VIPAS39: variants seen among roughly 807,000 people sequenced by gnomAD.
VIPAS39 encodes VPS33B interacting protein, apical-basolateral polarity regulator, spe-39 homolog, also known as spermatogenesis-defective protein 39 homolog.
VIPAS39 carries 63 observed loss-of-function variants against 84.7 expected under a neutral mutation model. The ratio of observed to expected loss-of-function variants is 0.74; its 90% CI spans 0.61 to 0.92. The LOEUF (loss-of-function observed/expected upper bound fraction) is 0.92, where lower values mean the gene tolerates loss of function less well. VIPAS39 is among the 40% of genes least tolerant of loss of function. The pLI is 0.00. For synonymous variants in VIPAS39, 192 were observed against 216.5 expected (o/e 0.89, Z 0.99); for missense variants, 499 against 604.5 (o/e 0.83, Z 1.83).
intron 16 of VIPAS39, 97 bp downstream of exon 16, chr14:77,433,745 A>G: frequency 7.6e-7 from 1 of 1,314,106 alleles, no homozygotes. Context: ...GAAAATAAAA[A>G]GTTGGAGGAA....
chr14:77,456,535 A>T (rs924737292), intron 1 of VIPAS39, among the ~76,000 whole-genome samples: 1 of 152,224 alleles, frequency 6.6e-6, no homozygotes, highest in Admixed American at 6.5e-5. Context: ...AAAGTGAGGC[A>T]CAAAAGAGTT....
intron 1 of VIPAS39, chr14:77,457,219 T>C (rs1463755726): frequency 8.5e-6 from 13 of 1,521,200 alleles, no homozygotes; most frequent in East Asian, 2.4e-5. Flanking sequence ...CAGGAAGCCA[T>C]GGATCTACCG....
chr14:77,453,722 C>A (rs758811876), intron 2 of VIPAS39, among the ~76,000 whole-genome samples: 3 of 151,870 alleles, frequency 2.0e-5, no homozygotes, highest in Non-Finnish European at 2.9e-5. Flanking sequence ...AAAATAGACA[C>A]AACAAAGATA....
chr14:77,427,410 A>G lies in VIPAS39; in HGVS notation c.*206T>C. 3.2e-6 allele frequency: 2 copies of G among 618,790 alleles called. No individual in the cohort carries two copies. The highest frequency in any genetic ancestry group is 5.7e-6 in the Non-Finnish European group (2 of 352,328). The allele number at this position is 618,790 out of a possible 1,614,324, so 38.3% of individuals were successfully genotyped here. A position where few individuals can be genotyped will look rare whatever the true frequency, so the allele number is the denominator to read the frequency against. On this transcript the variant is annotated 3_prime_UTR_variant, in exon 20 of 20. Transcript: ENST00000557658. ...CCAGGTGGAGAGAATCATTCTCATGACTCAAAGCTTTAGATCTCGATCCTC... is the reference window on the plus strand; with the variant it reads ...CCAGGTGGAGAGAATCATTCTCATGGCTCAAAGCTTTAGATCTCGATCCTC...
At position 77,426,985 on chromosome 14, in the gene VIPAS39, GCAAGGTCGTCTGTGTT is replaced by G. The variant is rs1420474870; in HGVS notation, c.*615_*630del. On this transcript the variant is annotated 3_prime_UTR_variant, in exon 20 of 20. Transcript: ENST00000557658. ...ATAAAGGGGATGTCTCATCACCCAA[GCAAGGTCGTCTGTGTT>G]CAAGTGAGAGAAGAACCTTAGGGTT... The G allele has an allele frequency of 6.5e-6, 1 of 152,960 alleles. No individual in the cohort carries two copies. Among genetic ancestry groups the G allele is most frequent in the African/African-American group, 2.4e-5 (1 of 41,440 alleles). The allele number at this position is 152,960 out of a possible 1,614,324, so 9.5% of individuals were successfully genotyped here. A position where few individuals can be genotyped will look rare whatever the true frequency, so the allele number is the denominator to read the frequency against.
chr14:77,452,072 A>G (rs1257913372), intron 3 of VIPAS39, among the ~76,000 whole-genome samples: 1 of 152,206 alleles, frequency 6.6e-6, no homozygotes, highest in Non-Finnish European at 1.5e-5. Flanking sequence ...CTAAAATTCA[A>G]CAGTGGGCTG....
rs1475484526 is a variant in VIPAS39 at position 77,437,885 on chromosome 14, C to T, written c.763-4G>A. On this transcript the variant is annotated splice_polypyrimidine_tract_variant and splice_region_variant and intron_variant, in intron 11 of 19. Coordinates refer to ENST00000557658, the MANE Select transcript of VIPAS39 (RefSeq NM_001193315.2). ...AATGCTCTCGATAATGAGATAGCTA[C>T]AAAAAGCAGAAAAAGGCTTTGAGGT... 1 of 1,613,998 alleles carries T rather than the reference C, an allele frequency of 6.2e-7. No homozygotes were observed. Among genetic ancestry groups the T allele is most frequent in the South Asian group, 1.1e-5 (1 of 91,076 alleles).
intron 8 of VIPAS39, 79 bp from the exon 9 acceptor site, chr14:77,443,231 C>A: frequency 6.5e-7 from 1 of 1,538,400 alleles, no homozygotes; most frequent in African/African-American, 1.4e-5. Context: ...ACGGGGCCAG[C>A]AACTCATTAG....
intron 11 of VIPAS39, among the ~76,000 whole-genome samples, chr14:77,438,214 C>T (rs1011983114): frequency 2.0e-5 from 3 of 147,630 alleles, no homozygotes; most frequent in South Asian, 2.2e-4. Flanking sequence ...TTGGACAACA[C>T]AAATATGGAA....
chr14:77,433,492 C>T (rs900224604), intron 16 of VIPAS39, among the ~76,000 whole-genome samples: 8 of 152,270 alleles, frequency 5.3e-5, no homozygotes, highest in African/African-American at 7.2e-5. Flanking sequence ...TGAGCCACCG[C>T]GCCCAGCCCA....
intron 11 of VIPAS39, among the ~76,000 whole-genome samples, chr14:77,438,566 T>C (rs1270714671): frequency 3.9e-5 from 6 of 152,258 alleles, no homozygotes; most frequent in African/African-American, 1.2e-4. Context: ...GAAAGTTCTA[T>C]TGGCCAGTGC....
intron 7 of VIPAS39, among the ~76,000 whole-genome samples, chr14:77,445,262 A>G (rs1427413564): frequency 1.3e-5 from 2 of 152,184 alleles, no homozygotes; most frequent in Non-Finnish European, 2.9e-5. Flanking sequence ...CCCAGCCAGT[A>G]TCTCATAGTT....
chr14:77,441,143 CA>C (rs750174895), intron 10 of VIPAS39, 50 bp from the exon 11 acceptor site: 261 of 1,607,766 alleles, frequency 1.6e-4, no homozygotes, highest in Non-Finnish European at 2.0e-4. Context: ...TGATGTGTGG[CA>C]GTATAACCTC....
At chr14:77,443,690 T>C (rs922286210) in intron 8 of VIPAS39, among the ~76,000 whole-genome samples, 1 of 150,434 alleles carries the variant, frequency 6.6e-6, no homozygotes, top group Non-Finnish European at 1.5e-5. Context: ...AGGTCAGGAG[T>C]TTGAGACCAG....
At chr14:77,444,032 C>G (rs1446554028) in intron 8 of VIPAS39, among the ~76,000 whole-genome samples, 5 of 141,796 alleles carry the variant, frequency 3.5e-5, no homozygotes, top group Non-Finnish European at 7.6e-5. Flanking sequence ...CAGAGCAAGA[C>G]CCTGTCTCCA....
intron 4 of VIPAS39, among the ~76,000 whole-genome samples, chr14:77,450,346 C>T (rs185122329): frequency 3.5e-4 from 54 of 152,300 alleles, no homozygotes; most frequent in Admixed American, 6.5e-4. Flanking sequence ...ATGTATATGG[C>T]ACATTTTGTT....
At position 77,444,319 on chromosome 14, in the gene VIPAS39, C is replaced by A; in HGVS notation, c.527G>T (p.Arg176Leu). The A allele has an allele frequency of 6.2e-7, 1 of 1,613,454 alleles. No individual in the cohort carries two copies. Among genetic ancestry groups the A allele is most frequent in the African/African-American group, 1.3e-5 (1 of 75,022 alleles). The change falls in exon 8 of 20, where the codon CGC (arginine) becomes CTC (leucine). Residue 176 changes from arginine to leucine, a missense_variant. Physicochemically the swap from Arg to Leu is moderately radical, Grantham distance 102 (BLOSUM62 -2). Transcript: ENST00000557658. The stretch of plus-strand genomic sequence containing the variant: ...GAGTTGTAGTTTGTCCTGTAAGGAG[C>A]GGAATCTCTCTAGTGAGCAAACCTG... ...KGKVCSLERF[R>L]SLQDKLQLLE...
At position 77,429,018 on chromosome 14, in the gene VIPAS39, A is replaced by G; in HGVS notation, c.1344T>C (p.Asp448=). ...CTTGGGGACTCACATCAATGACGAC[A>G]TCATGGCACTTGAACTTAGTGGCTA... ...LNLATKFKCH[D]VVIDTYRDLK... is the part of the protein sequence containing the mutation. Residue 448 remains aspartate (D), a synonymous_variant, in exon 18 of 20, where the codon GAT becomes GAC. Transcript: ENST00000557658. 1 of 1,613,946 alleles carries G rather than the reference A, an allele frequency of 6.2e-7. No individual in the cohort carries two copies. The highest frequency in any genetic ancestry group is 1.1e-5 in the South Asian group (1 of 91,082).
chr14:77,442,611 A>G lies in VIPAS39; in HGVS notation c.683T>C (p.Ile228Thr). ...ATCCCCTATTTCCTTAAGGAAGTGA[A>G]TAAGATGTCTCAGGGCAACCTGTCG... Reference protein sequence around the residue: ...EVRQVALRHLIHFLKEIGDQK... With the variant: ...EVRQVALRHLTHFLKEIGDQK... Residue 228 changes from isoleucine (I) to threonine (T), a missense_variant, in exon 10 of 20, where the codon ATT becomes ACT. Ile to Thr is a moderately conservative substitution (Grantham distance 89, BLOSUM62 -1). Transcript: ENST00000557658. The G allele has an allele frequency of 1.2e-6, 2 of 1,614,236 alleles. No homozygotes were observed. Among genetic ancestry groups the G allele is most frequent in the Non-Finnish European group, 1.7e-6 (2 of 1,180,030 alleles).
Sources: gnomAD v4.1 joint callset for allele counts (sites outside exome capture counted in the v4.1 genomes callset) on GRCh38, gnomAD v4.1.1 for gene constraint, MANE v1.5 for transcripts, NCBI Gene and HGNC (gene_info 2026-07-23, HGNC 2026-07-21) for gene names.